Variants in PTBP3 observed in about 807,000 individuals in gnomAD.
PTBP3 encodes the protein polypyrimidine tract binding protein 3, also known as polypyrimidine tract-binding protein 3.
A neutral mutation model predicts 58.7 loss-of-function variants in PTBP3; 20 were observed. The observed-to-expected ratio is 0.34, with a 90% confidence interval of 0.24 to 0.50. The LOEUF (loss-of-function observed/expected upper bound fraction) is 0.50. PTBP3 is among the 20% of genes least tolerant of loss of function. The probability of loss-of-function intolerance (pLI) is 0.98; values close to 1 mark genes in which losing one functional copy is unlikely to be tolerated. For missense variants in PTBP3, 509 were observed against 637.2 expected (o/e 0.80, Z 2.17); for synonymous variants, 185 against 219.8 (o/e 0.84, Z 1.40).
the PTBP3 span, among the ~76,000 whole-genome samples, chr9:112,349,108 A>T: frequency 1.3e-5 from 2 of 152,108 alleles, no homozygotes; most frequent in African/African-American, 2.4e-5. Context: ...GTTTATGCTA[A>T]TAGGGTGATT....
chr9:112,248,341 G>GA (rs1017651427), intron 7 of PTBP3, among the ~76,000 whole-genome samples: 1 of 151,888 alleles, frequency 6.6e-6, no homozygotes, highest in African/African-American at 2.4e-5. Flanking sequence ...AACTAAGTAA[G>GA]AAAAAAAGGA....
chr9:112,356,795 C>T, the PTBP3 span, among the ~76,000 whole-genome samples: 380 of 7,002 alleles, frequency 0.054, 6 homozygotes, highest in African/African-American at 0.2. Flanking sequence ...ATTGCGTGTG[C>T]GCACACACAC....
At chr9:112,302,958 T>C (rs1461500546) in intron 1 of PTBP3, among the ~76,000 whole-genome samples, 2 of 152,194 alleles carry the variant, frequency 1.3e-5, no homozygotes, top group Non-Finnish European at 2.9e-5. Context: ...AAGTTACTCA[T>C]GTTTTTTTTC....
At chr9:112,358,090 C>A in the PTBP3 span, among the ~76,000 whole-genome samples, 47 of 152,214 alleles carry the variant, frequency 3.1e-4, no homozygotes, top group African/African-American at 9.6e-4. Flanking sequence ...GGTGGATCAT[C>A]TGAGGTCGGG....
In PTBP3 at chr9:112,221,899, A is replaced by AT; in HGVS notation, c.*1951dup. The AT allele has an allele frequency of 1.0e-6, 1 of 980,094 alleles. No homozygotes were observed. The allele number at this position is 980,094 out of a possible 1,614,324, so 60.7% of individuals were successfully genotyped here. A position where few individuals can be genotyped will look rare whatever the true frequency, so the allele number is the denominator to read the frequency against. On this transcript the variant is annotated 3_prime_UTR_variant, in exon 14 of 14. Transcript: ENST00000374257. Reference sequence around the variant, plus strand: ...ACTGGAATACAGCAAAGAGATTGAGATTTTCTTAATTTTTACTTTTAAGAG... The same window carrying AT: ...ACTGGAATACAGCAAAGAGATTGAGATTTTTCTTAATTTTTACTTTTAAGAG...
intron 5 of PTBP3, 91 bp downstream of exon 5, chr9:112,262,344 C>T: frequency 9.2e-7 from 1 of 1,089,292 alleles, no homozygotes; most frequent in South Asian, 2.0e-5. Context: ...ATCAACAAAA[C>T]CAATAAGCTA....
intron 2 of PTBP3, among the ~76,000 whole-genome samples, chr9:112,293,552 G>A (rs1828537571): frequency 6.6e-6 from 1 of 152,132 alleles, no homozygotes; most frequent in Non-Finnish European, 1.5e-5. Context: ...CCAGAATAAA[G>A]ACCAATTTCC....
At chr9:112,287,605 T>C (rs990583003) in intron 2 of PTBP3, among the ~76,000 whole-genome samples, 2 of 151,948 alleles carry the variant, frequency 1.3e-5, no homozygotes, top group Non-Finnish European at 1.5e-5. Flanking sequence ...CCTCCCAAAG[T>C]GCTAGGATTA....
chr9:112,321,256 G>A (rs1029945820), intron 1 of PTBP3, among the ~76,000 whole-genome samples: 1 of 152,120 alleles, frequency 6.6e-6, no homozygotes, highest in African/African-American at 2.4e-5. Context: ...AACTGGCCGG[G>A]CATGGTGGCT....
chr9:112,241,250 C>T (rs959162360), intron 7 of PTBP3, among the ~76,000 whole-genome samples: 14 of 151,964 alleles, frequency 9.2e-5, no homozygotes, highest in African/African-American at 3.4e-4. Context: ...ATTACAGAAG[C>T]CCTACACCAC....
At chr9:112,303,094 A>G (rs529916189) in intron 1 of PTBP3, among the ~76,000 whole-genome samples, 13 of 152,330 alleles carry the variant, frequency 8.5e-5, no homozygotes, top group Admixed American at 7.2e-4. Flanking sequence ...TGGCAATGAA[A>G]CAATCTTTCT....
At chr9:112,235,324 G>A (rs1461040132) in intron 7 of PTBP3, among the ~76,000 whole-genome samples, 1 of 152,130 alleles carries the variant, frequency 6.6e-6, no homozygotes, top group Admixed American at 6.6e-5. Context: ...GATGAGGGTC[G>A]AAAGGTACAA....
At chr9:112,364,198 T>C in the PTBP3 span, among the ~76,000 whole-genome samples, 2 of 146,608 alleles carry the variant, frequency 1.4e-5, no homozygotes, top group African/African-American at 5.0e-5. Flanking sequence ...TTTTTTTTTT[T>C]TTTTTTTTGA....
the PTBP3 span, among the ~76,000 whole-genome samples, chr9:112,343,179 C>T: frequency 6.6e-6 from 1 of 151,114 alleles, no homozygotes; most frequent in Non-Finnish European, 1.5e-5. Flanking sequence ...TTAGGGGAAT[C>T]TGGACAGTGG....
chr9:112,296,831 C>T (rs1477159008), intron 2 of PTBP3, among the ~76,000 whole-genome samples: 1 of 152,130 alleles, frequency 6.6e-6, no homozygotes, highest in African/African-American at 2.4e-5. Context: ...TATCTAAGTC[C>T]AAGTTCAAAA....
the PTBP3 span, among the ~76,000 whole-genome samples, chr9:112,367,570 T>C: frequency 0.015 from 2,330 of 152,250 alleles, 62 homozygotes; most frequent in African/African-American, 0.052. Flanking sequence ...GGTATAGTAT[T>C]GTTAGTTGCC....
rs1371273763 is a variant in PTBP3, at chr9:112,231,967, G to GAGAGAAGAGA, written c.1020+122_1020+131dup. 508 of 185,230 alleles carry GAGAGAAGAGA rather than the reference G, an allele frequency of 2.7e-3. 3 individuals are homozygous for GAGAGAAGAGA. The highest frequency in any genetic ancestry group is 0.015 in the East Asian group (139 of 9,100). The allele number at this position is 185,230 out of a possible 1,614,324, so 11.5% of individuals were successfully genotyped here. A position where few individuals can be genotyped will look rare whatever the true frequency, so the allele number is the denominator to read the frequency against. On this transcript the variant is annotated intron_variant, in intron 9 of 13. Coordinates refer to ENST00000374257, the MANE Select transcript of PTBP3 (RefSeq NM_001163788.4). ...GAGAAGAGAAGAGAAGAGAAGAGAA[G>GAGAGAAGAGA]AGAGAAGAGAAGAGAAGAGAAGAGA...
chr9:112,262,123 C>A (rs191466211), intron 5 of PTBP3, among the ~76,000 whole-genome samples: 1 of 152,006 alleles, frequency 6.6e-6, no homozygotes, highest in Admixed American at 6.6e-5. Context: ...TTGTACTCAA[C>A]GGTGACATTA....
Position 112,223,743 on chromosome 9 carries a change from G to GAA in PTBP3, c.*107_*108insTT, listed in dbSNP as rs202184808. ...AAAATATACTTGAATATCAAACTCA[G>GAA]AGTTATTTTTGTGAAAGAGGCAAAA... On this transcript the variant is annotated 3_prime_UTR_variant, in exon 14 of 14. Transcript: ENST00000374257. 1,333 of 1,525,572 alleles carry GAA rather than the reference G, an allele frequency of 8.7e-4. 16 individuals carry two copies. The African/African-American group carries it at 0.015, about 18-fold the overall frequency. 94.5% of individuals were successfully genotyped at this position (1,525,572 alleles called of 1,614,324 possible). A position where few individuals can be genotyped will look rare whatever the true frequency, so the allele number is the denominator to read the frequency against.
Sources: allele counts gnomAD v4.1 joint callset (sites outside exome capture counted in the v4.1 genomes callset), GRCh38; gene constraint gnomAD v4.1.1; transcripts MANE v1.5; gene names NCBI Gene and HGNC (gene_info 2026-07-23, HGNC 2026-07-21).